GRIK4: variants seen among roughly 807,000 people sequenced by gnomAD.
GRIK4 encodes the protein glutamate receptor ionotropic, kainate 4.
A neutral mutation model predicts 104.9 loss-of-function variants in GRIK4; 40 were observed. That is an observed-to-expected ratio of 0.38 (90% CI 0.30 to 0.50). The LOEUF (loss-of-function observed/expected upper bound fraction) is 0.50. Among genes scored for constraint, GRIK4 ranks in the 20% least tolerant of loss-of-function variants. The pLI is 0.93. For missense variants in GRIK4, 1,047 were observed against 1,308.1 expected, an observed-to-expected ratio of 0.80 and a Z score of 3.08; for synonymous variants, 485 against 524.9, an observed-to-expected ratio of 0.92 and a Z score of 1.04.
chr11:120,917,465 G>T (rs1440076220), intron 13 of GRIK4, among the ~76,000 whole-genome samples: 1 of 152,090 alleles, frequency 6.6e-6, no homozygotes, highest in South Asian at 2.1e-4. Flanking sequence ...GGCAAGGGGG[G>T]CACAGGCATG....
chr11:120,877,239 T>G (rs1670599531), intron 11 of GRIK4, among the ~76,000 whole-genome samples: 1 of 152,222 alleles, frequency 6.6e-6, no homozygotes, highest in South Asian at 2.1e-4. Context: ...GGATGGCATT[T>G]CACAAAATGG....
chr11:120,936,048 C>A, intron 13 of GRIK4: 3 of 119,200 alleles, frequency 2.5e-5, no homozygotes, highest in Admixed American at 1.5e-4. Context: ...TCATCCTGGT[C>A]TTCATCTTCT....
intron 3 of GRIK4, among the ~76,000 whole-genome samples, chr11:120,664,755 A>G (rs1255092439): frequency 6.6e-6 from 1 of 152,186 alleles, no homozygotes; most frequent in Non-Finnish European, 1.5e-5. Context: ...TCTTTTATGG[A>G]CACTTTTTAC....
chr11:120,661,044 T>C (rs542851045), intron 3 of GRIK4, among the ~76,000 whole-genome samples: 73 of 152,288 alleles, frequency 4.8e-4, no homozygotes, highest in African/African-American at 1.7e-3. Flanking sequence ...GCCTCCTCCC[T>C]GCTGGGACTG....
intron 3 of GRIK4, among the ~76,000 whole-genome samples, chr11:120,779,232 C>T (rs1032030998): frequency 3.3e-5 from 5 of 152,164 alleles, no homozygotes; most frequent in African/African-American, 1.2e-4. Context: ...CGCAGGCCTT[C>T]TGTGAGCCAG....
At chr11:120,794,856 G>A (rs915596514) in intron 3 of GRIK4, among the ~76,000 whole-genome samples, 5 of 152,234 alleles carry the variant, frequency 3.3e-5, no homozygotes, top group African/African-American at 9.6e-5. Context: ...AGGTGGGGAC[G>A]AAGGCATGAG....
At chr11:120,581,558 ACTC>A (rs953810776) in intron 1 of GRIK4, among the ~76,000 whole-genome samples, 2 of 151,982 alleles carry the variant, frequency 1.3e-5, no homozygotes, top group African/African-American at 4.8e-5. Flanking sequence ...TTAAATAACA[ACTC>A]CTCATTCCCT....
intron 13 of GRIK4, among the ~76,000 whole-genome samples, chr11:120,920,706 C>T (rs1470329538): frequency 6.6e-6 from 1 of 152,212 alleles, no homozygotes; most frequent in African/African-American, 2.4e-5. Flanking sequence ...CACTAGTCCT[C>T]TTGGGCTTAG....
At chr11:120,709,043 A>G (rs1950679254) in intron 3 of GRIK4, among the ~76,000 whole-genome samples, 1 of 152,188 alleles carries the variant, frequency 6.6e-6, no homozygotes, top group Non-Finnish European at 1.5e-5. Context: ...AATAGCCCTC[A>G]GGAGAACCTG....
intron 3 of GRIK4, among the ~76,000 whole-genome samples, chr11:120,726,016 G>C (rs980950351): frequency 6.6e-6 from 1 of 152,186 alleles, no homozygotes; most frequent in African/African-American, 2.4e-5. Context: ...ATTCAGGAAG[G>C]CTTCTCTGAG....
At position 120,902,123 on chromosome 11, in the gene GRIK4, A is replaced by G. The variant is rs537974593; in HGVS notation, c.1273-3167A>G. On this transcript the variant is annotated intron_variant, in intron 12 of 20. Coordinates refer to ENST00000527524, the MANE Select transcript of GRIK4 (RefSeq NM_014619.5). The surrounding 1 kb of genome is among the most constrained non-coding windows in gnomAD (Gnocchi z 4.5). ...ATTTATCCCTTAAAACTCAGCACAC[A>G]TTCATGTTGTCTCCCCGCTCTGGTC... is the stretch of plus-strand genomic sequence containing the variant. Among the ~76,000 whole-genome samples, 34 of 152,282 alleles carry G rather than the reference A, an allele frequency of 2.2e-4. No homozygotes were observed. The highest frequency in any genetic ancestry group is 8.2e-4 in the African/African-American group (34 of 41,546).
At chr11:120,770,439 CATCACTGT>C (rs1157483306) in intron 3 of GRIK4, among the ~76,000 whole-genome samples, 1 of 152,216 alleles carries the variant, frequency 6.6e-6, no homozygotes, top group Admixed American at 6.5e-5. Context: ...TTCTCAGTCC[CATCACTGT>C]ATCAGGCCCT....
chr11:120,820,321 A>G (rs1332317660), intron 6 of GRIK4, among the ~76,000 whole-genome samples: 1 of 152,170 alleles, frequency 6.6e-6, no homozygotes, highest in Non-Finnish European at 1.5e-5. Flanking sequence ...ATACAAAAAG[A>G]GAGAGAGGGA....
chr11:120,739,939 C>T (rs1951297665), intron 3 of GRIK4, among the ~76,000 whole-genome samples: 2 of 152,208 alleles, frequency 1.3e-5, no homozygotes, highest in Admixed American at 6.5e-5. Context: ...TACCCTTGCC[C>T]TAGGACTGCA....
intron 4 of GRIK4, among the ~76,000 whole-genome samples, 158 bp downstream of exon 4, chr11:120,803,015 C>T (rs1017429601): frequency 1.8e-4 from 28 of 152,206 alleles, no homozygotes; most frequent in African/African-American, 5.5e-4. Flanking sequence ...CTGTGAAGCT[C>T]TCAGCCTGGA....
chr11:120,641,312 A>G (rs574339461), intron 1 of GRIK4, among the ~76,000 whole-genome samples: 12 of 152,324 alleles, frequency 7.9e-5, no homozygotes, highest in African/African-American at 2.9e-4. Flanking sequence ...TCTCAGTTCA[A>G]AAGTTAACTG....
At chr11:120,722,165 G>T (rs981520831) in intron 3 of GRIK4, among the ~76,000 whole-genome samples, 5 of 152,194 alleles carry the variant, frequency 3.3e-5, no homozygotes, top group African/African-American at 1.2e-4. Flanking sequence ...AGCACACAAA[G>T]GGTGTGGATC....
intron 3 of GRIK4, among the ~76,000 whole-genome samples, chr11:120,772,984 TG>T (rs1363562958): frequency 1.3e-5 from 2 of 152,230 alleles, no homozygotes; most frequent in Non-Finnish European, 2.9e-5. Flanking sequence ...AGTGCATATT[TG>T]TTGAGCATCT....
At position 120,660,322 on chromosome 11, in the gene GRIK4, C is replaced by T. The variant is rs1191383047; in HGVS notation, c.4C>T (p.Pro2Ser). 2.5e-6 allele frequency: 4 copies of T among 1,611,954 alleles called. No homozygotes were observed. Among genetic ancestry groups the T allele is most frequent in the East Asian group, 4.5e-5 (2 of 44,858 alleles). The change falls in exon 3 of 21, where the codon CCC (proline) becomes TCC (serine). Residue 2 changes from proline (P) to serine (S), a missense_variant. This residue lies in a region of GRIK4 where 447 missense variants were observed against 514.9 expected (regional missense o/e 0.87). Coordinates refer to ENST00000527524, the MANE Select transcript of GRIK4 (RefSeq NM_014619.5). M[P>S]RVSAPLVLLP... ...GCTCCATGAGGATTCATAGAAGATG[C>T]CCCGCGTCTCGGCGCCTTTGGTGCT...
Sources: allele counts gnomAD v4.1 joint callset (sites outside exome capture counted in the v4.1 genomes callset), GRCh38; gene constraint gnomAD v4.1.1; regional missense constraint gnomAD v4.1.1; non-coding constraint Gnocchi (gnomAD v3.1); transcripts MANE v1.5; gene names NCBI Gene and HGNC (gene_info 2026-07-23, HGNC 2026-07-21).